Variants in MRAP2 observed in about 807,000 individuals in gnomAD.
The protein encoded by MRAP2 is melanocortin-2 receptor accessory protein 2.
In MRAP2, 20 loss-of-function variants were observed where a neutral mutation model predicts 17.4. That is an observed-to-expected ratio of 1.15 (90% CI 0.81 to 1.67). The LOEUF (loss-of-function observed/expected upper bound fraction) is 1.67, where lower values mean the gene tolerates loss of function less well. Ranked by LOEUF, MRAP2 falls within the 40% of genes most tolerant of loss-of-function variation. The probability of loss-of-function intolerance (pLI) is 0.00; values close to 1 mark genes in which losing one functional copy is unlikely to be tolerated. For synonymous variants in MRAP2, 96 were observed against 88.4 expected, an observed-to-expected ratio of 1.09 and a Z score of -0.48; for missense variants, 238 against 240.0, an observed-to-expected ratio of 0.99 and a Z score of 0.05.
At chr6:84,124,164 G>T in the MRAP2 span, 2 of 151,838 alleles carry the variant, frequency 1.3e-5, no homozygotes, top group Admixed American at 6.6e-5. Flanking sequence ...ATTTCTCAAA[G>T]AACTAAAAAT....
chr6:84,134,587 T>G, the MRAP2 span, among the ~76,000 whole-genome samples: 1 of 152,148 alleles, frequency 6.6e-6, no homozygotes, highest in Non-Finnish European at 1.5e-5. Flanking sequence ...CGGCTTCCCT[T>G]GGCTAGGGGA....
intron 1 of MRAP2, among the ~76,000 whole-genome samples, chr6:84,046,823 G>A (rs1588625313): frequency 6.6e-6 from 1 of 150,926 alleles, no homozygotes; most frequent in African/African-American, 2.4e-5. Context: ...TTTGGGAAGT[G>A]GCTAGTGTGT....
At chr6:84,141,794 T>C in the MRAP2 span, among the ~76,000 whole-genome samples, 1 of 152,106 alleles carries the variant, frequency 6.6e-6, no homozygotes, top group South Asian at 2.1e-4. Flanking sequence ...TTTCCAGAGC[T>C]CCATCATCAA....
At chr6:84,111,397 C>T in the MRAP2 span, among the ~76,000 whole-genome samples, 2 of 128,690 alleles carry the variant, frequency 1.6e-5, no homozygotes, top group African/African-American at 8.8e-5. Context: ...CATGATTTGG[C>T]TCTCTCTTTG....
intron 2 of MRAP2, among the ~76,000 whole-genome samples, chr6:84,057,021 C>T (rs905309171): frequency 3.3e-5 from 5 of 152,058 alleles, no homozygotes; most frequent in Admixed American, 6.6e-5. Context: ...TTAATATTCA[C>T]GTCAAGATAA....
the MRAP2 span, among the ~76,000 whole-genome samples, chr6:84,113,871 T>C: frequency 6.6e-6 from 1 of 152,242 alleles, no homozygotes; most frequent in Non-Finnish European, 1.5e-5. Flanking sequence ...AATGAAATTC[T>C]GGCTTGAAAA....
the MRAP2 span, among the ~76,000 whole-genome samples, chr6:84,104,365 TC>T: frequency 1.3e-5 from 2 of 152,328 alleles, no homozygotes; most frequent in South Asian, 2.1e-4. Context: ...GAAGATATTT[TC>T]CCCATTATCT....
chr6:84,057,099 G>A (rs1210702851), intron 2 of MRAP2, among the ~76,000 whole-genome samples: 1 of 152,116 alleles, frequency 6.6e-6, no homozygotes, highest in Non-Finnish European at 1.5e-5. Context: ...CTTAGCTTCA[G>A]GAACCTGAAA....
At chr6:84,140,854 A>C in the MRAP2 span, among the ~76,000 whole-genome samples, 2 of 152,130 alleles carry the variant, frequency 1.3e-5, no homozygotes, top group South Asian at 4.1e-4. Flanking sequence ...AAAATAGCTT[A>C]CTGGTCTAGA....
chr6:84,136,494 A>ATAAG, the MRAP2 span, among the ~76,000 whole-genome samples: 1 of 152,198 alleles, frequency 6.6e-6, no homozygotes, highest in Non-Finnish European at 1.5e-5. Flanking sequence ...AAATTTAAAC[A>ATAAG]TAAGTTTTGG....
the MRAP2 span, among the ~76,000 whole-genome samples, chr6:84,126,872 C>T: frequency 2.0e-5 from 3 of 152,254 alleles, no homozygotes; most frequent in Non-Finnish European, 4.4e-5. Context: ...ATTTAAAGCA[C>T]TCAACATAGT....
the MRAP2 span, among the ~76,000 whole-genome samples, chr6:84,100,846 T>C: frequency 6.6e-6 from 1 of 152,164 alleles, no homozygotes; most frequent in African/African-American, 2.4e-5. Context: ...AAAAACTAGT[T>C]TTATACTTTG....
chr6:84,143,116 TAATA>T, the MRAP2 span, among the ~76,000 whole-genome samples: 61 of 152,220 alleles, frequency 4.0e-4, no homozygotes, highest in African/African-American at 1.3e-3. Flanking sequence ...CTAAGTTAAA[TAATA>T]AATAGTCACT....
rs147564754 is a variant in MRAP2 at position 84,089,120 on chromosome 6, G to A, written c.257G>A (p.Arg86Lys). 1 of 1,613,840 alleles carries A rather than the reference G, an allele frequency of 6.2e-7. No individual in the cohort carries two copies. The highest frequency in any genetic ancestry group is 1.1e-5 in the South Asian group (1 of 91,042). ...DNAESSEKRF[R>K]MNSFVSDFGR... ...GCAGAGTCCTCAGAGAAGAGATTCA[G>A]AATGAACAGCTTTGTGTCAGACTTT... The change falls in exon 4 of 4, where the codon AGA (arginine) becomes AAA (lysine). Residue 86 changes from arginine to lysine, a missense_variant. Coordinates refer to ENST00000257776, the MANE Select transcript of MRAP2 (RefSeq NM_138409.4).
intron 1 of MRAP2, among the ~76,000 whole-genome samples, chr6:84,039,713 G>T (rs993110461): frequency 6.6e-6 from 1 of 152,262 alleles, no homozygotes; most frequent in East Asian, 1.9e-4. Flanking sequence ...CTCCTGCAAG[G>T]TGCATTTGTT....
chr6:84,070,684 C>T (rs904400022), intron 3 of MRAP2, among the ~76,000 whole-genome samples: 4 of 151,986 alleles, frequency 2.6e-5, no homozygotes, highest in Non-Finnish European at 5.9e-5. Context: ...TAGTGCTCTC[C>T]CTGGAGGATT....
At chr6:84,040,665 G>A (rs1249735497) in intron 1 of MRAP2, among the ~76,000 whole-genome samples, 1 of 152,116 alleles carries the variant, frequency 6.6e-6, no homozygotes, top group Non-Finnish European at 1.5e-5. Context: ...TAGAGATGAG[G>A]AATTTGTTGG....
At chr6:84,125,964 A>G in the MRAP2 span, among the ~76,000 whole-genome samples, 1 of 152,260 alleles carries the variant, frequency 6.6e-6, no homozygotes, top group African/African-American at 2.4e-5. Context: ...ACTTCTATTA[A>G]TTTATCTGTT....
At chr6:84,065,334 C>A (rs1258119116) in intron 3 of MRAP2, among the ~76,000 whole-genome samples, 2 of 151,960 alleles carry the variant, frequency 1.3e-5, no homozygotes, top group Non-Finnish European at 2.9e-5. Flanking sequence ...AGGAAAATAT[C>A]ATTTTTATTG....
Sources: gnomAD v4.1 joint callset for allele counts (sites outside exome capture counted in the v4.1 genomes callset) on GRCh38, gnomAD v4.1.1 for gene constraint, MANE v1.5 for transcripts, NCBI Gene and HGNC (gene_info 2026-07-23, HGNC 2026-07-21) for gene names.